HSD17B11: variants seen among roughly 807,000 people sequenced by gnomAD.
The protein encoded by HSD17B11 is hydroxysteroid 17-beta dehydrogenase 11.
HSD17B11 carries 22 observed loss-of-function variants against 27.8 expected under a neutral mutation model. The observed-to-expected ratio is 0.79, with a 90% CI of 0.56 to 1.13. The LOEUF (loss-of-function observed/expected upper bound fraction) is 1.13. Ranked by LOEUF, HSD17B11 falls within the 50% of genes most tolerant of loss-of-function variation. HSD17B11 has a pLI of 0.00. For synonymous variants in HSD17B11, 117 were observed against 132.8 expected, an observed-to-expected ratio of 0.88 and a Z score of 0.82; for missense variants, 314 against 351.1, an observed-to-expected ratio of 0.89 and a Z score of 0.84.
chr4:87,376,460 G>C (rs185602217), intron 2 of HSD17B11, among the ~76,000 whole-genome samples: 4 of 142,280 alleles, frequency 2.8e-5, no homozygotes, highest in African/African-American at 1.0e-4. Flanking sequence ...AGCTGAGATC[G>C]TGCCACTGTG....
At chr4:87,374,594 G>A in intron 3 of HSD17B11, 105 bp downstream of exon 3, 1 of 1,112,344 alleles carries the variant, frequency 9.0e-7, no homozygotes, top group Non-Finnish European at 1.3e-6. Flanking sequence ...GGTGCCTGGA[G>A]AAAACTTTAG....
At chr4:87,379,484 T>TTATATAATATATATTATATATACA (rs1294666339) in intron 2 of HSD17B11, among the ~76,000 whole-genome samples, 8 of 147,026 alleles carry the variant, frequency 5.4e-5, no homozygotes, top group South Asian at 2.1e-4. Context: ...TATATTTATA[T>TTATATAATATATATTATATATACA]TATATAATAT....
chr4:87,370,473 T>G (rs1037053395), intron 4 of HSD17B11, among the ~76,000 whole-genome samples: 2 of 151,992 alleles, frequency 1.3e-5, no homozygotes, highest in African/African-American at 2.4e-5. Flanking sequence ...TGGAGTGCAG[T>G]GGCACAATCT....
At chr4:87,366,618 T>A (rs898144497) in intron 4 of HSD17B11, among the ~76,000 whole-genome samples, 4 of 152,216 alleles carry the variant, frequency 2.6e-5, no homozygotes, top group African/African-American at 7.2e-5. Flanking sequence ...ATAATTGTTA[T>A]GTAAAATTTT....
chr4:87,375,644 G>A (rs1385568251), intron 2 of HSD17B11, among the ~76,000 whole-genome samples: 1 of 152,206 alleles, frequency 6.6e-6, no homozygotes, highest in Non-Finnish European at 1.5e-5. Context: ...AGGAGGCTGA[G>A]GCAGGAGAAT....
At chr4:87,360,926 G>C (rs1735500358) in intron 4 of HSD17B11, among the ~76,000 whole-genome samples, 2 of 152,116 alleles carry the variant, frequency 1.3e-5, no homozygotes, top group Non-Finnish European at 2.9e-5. Flanking sequence ...TTTAAATTAA[G>C]AGCCAAAATT....
chr4:87,366,227 GTAT>G (rs1735611904), intron 4 of HSD17B11, among the ~76,000 whole-genome samples: 1 of 152,050 alleles, frequency 6.6e-6, no homozygotes, highest in South Asian at 2.1e-4. Context: ...AGTTAAAGGG[GTAT>G]TATTCAGTTT....
intron 3 of HSD17B11, among the ~76,000 whole-genome samples, chr4:87,374,029 C>T (rs1735772026): frequency 6.6e-6 from 1 of 152,006 alleles, no homozygotes; most frequent in African/African-American, 2.4e-5. Flanking sequence ...AGGCCTGAGC[C>T]TCATGCAAAT....
intron 6 of HSD17B11, among the ~76,000 whole-genome samples, chr4:87,339,229 A>G (rs989537471): frequency 6.6e-6 from 1 of 152,212 alleles, no homozygotes; most frequent in Non-Finnish European, 1.5e-5. Context: ...GAAACATCAC[A>G]GGCTTTAACT....
Position 87,375,553 on chromosome 4 carries a change from C to T in HSD17B11, c.319-723G>A, listed in dbSNP as rs537998841. Among the ~76,000 whole-genome samples the T allele has an allele frequency of 8.8e-4, 134 of 152,252 alleles. 1 individual carries two copies. In the South Asian group the frequency reaches 0.026, roughly 30 times the overall value. ...GGTCCGGAGTTTGAGACCAGCATGA[C>T]CAACATGGAGAAACCCTGTCTCTAC... On this transcript the variant is annotated intron_variant, in intron 2 of 6. Coordinates refer to ENST00000358290, the MANE Select transcript of HSD17B11 (RefSeq NM_016245.5).
intron 4 of HSD17B11, among the ~76,000 whole-genome samples, chr4:87,363,816 G>A (rs975398750): frequency 6.6e-6 from 1 of 152,150 alleles, no homozygotes; most frequent in Admixed American, 6.5e-5. Flanking sequence ...TCCCCACCCA[G>A]GAAATAAGTC....
intron 2 of HSD17B11, 47 bp downstream of exon 2, chr4:87,382,208 C>T (rs1202940919): frequency 7.2e-7 from 1 of 1,395,492 alleles, no homozygotes; most frequent in Non-Finnish European, 1.0e-6. Context: ...TCCAAAACAC[C>T]TCCTAGCTCT....
chr4:87,358,785 TA>T (rs34827349), intron 4 of HSD17B11, among the ~76,000 whole-genome samples: 18,049 of 139,160 alleles, frequency 0.13, 1,209 homozygotes, highest in East Asian at 0.31. Flanking sequence ...GGAAATTTTT[TA>T]AAAAATTTTA....
In HSD17B11 at chr4:87,357,263, CAA is replaced by C. The variant is rs769253811; in HGVS notation, c.695+14_695+15del. Reference sequence around the variant, plus strand: ...ATAGCAACCACCAATCCTTTTGTCTCAATTTCTCAACTTACCTTGTACTTGGA... The same window carrying C: ...ATAGCAACCACCAATCCTTTTGTCTCTTTCTCAACTTACCTTGTACTTGGA... On this transcript the variant is annotated intron_variant, in intron 5 of 6. Coordinates refer to ENST00000358290, the MANE Select transcript of HSD17B11 (RefSeq NM_016245.5). 1.6e-5 allele frequency: 25 copies of C among 1,608,008 alleles called. No homozygotes were observed. The East Asian group carries it at 5.4e-4, about 35-fold the overall frequency.
At chr4:87,353,709 G>A (rs940359853) in intron 5 of HSD17B11, among the ~76,000 whole-genome samples, 1 of 151,926 alleles carries the variant, frequency 6.6e-6, no homozygotes, top group Non-Finnish European at 1.5e-5. Flanking sequence ...CCCACGTTAA[G>A]GTCAGCTCTG....
intron 5 of HSD17B11, among the ~76,000 whole-genome samples, chr4:87,354,949 C>CAAA (rs11305478): frequency 0.02 from 1,863 of 91,782 alleles, 35 homozygotes; most frequent in Admixed American, 0.031. Context: ...TCCTGGCTCT[C>CAAA]AAAAAAAAAA....
intron 2 of HSD17B11, among the ~76,000 whole-genome samples, chr4:87,382,015 G>A (rs963717546): frequency 1.8e-4 from 27 of 152,040 alleles, no homozygotes; most frequent in African/African-American, 6.0e-4. Flanking sequence ...CTCTGGAAGT[G>A]GAGCCCAAGA....
chr4:87,363,198 C>CT (rs1735549674), intron 4 of HSD17B11, among the ~76,000 whole-genome samples: 1 of 152,054 alleles, frequency 6.6e-6, no homozygotes, highest in African/African-American at 2.4e-5. Context: ...ACTAGGGCTG[C>CT]TCAGGGAAAA....
intron 4 of HSD17B11, among the ~76,000 whole-genome samples, chr4:87,365,387 G>T (rs1456087852): frequency 6.6e-6 from 1 of 152,154 alleles, no homozygotes; most frequent in East Asian, 1.9e-4. Context: ...AAAATAAAAT[G>T]TCTTAAAAAT....
Sources: allele counts gnomAD v4.1 joint callset (sites outside exome capture counted in the v4.1 genomes callset), GRCh38; gene constraint gnomAD v4.1.1; transcripts MANE v1.5; gene names NCBI Gene and HGNC (gene_info 2026-07-23, HGNC 2026-07-21).